Variants in GNAO1 observed in about 807,000 individuals in gnomAD.
The protein encoded by GNAO1 is guanine nucleotide-binding protein G(o) subunit alpha.
For missense variants in GNAO1, 166 were observed against 478.7 expected (o/e 0.35, Z 6.10); for synonymous variants, 164 against 180.7 (o/e 0.91, Z 0.74).
At chr16:56,346,316 G>A (rs1366592040) in intron 6 of GNAO1, 5 of 985,344 alleles carry the variant, frequency 5.1e-6, no homozygotes, top group Non-Finnish European at 6.0e-6. Context: ...AATGTTGCGA[G>A]TGACACGTGT....
chr16:56,265,928 G>C (rs905588742), intron 2 of GNAO1, among the ~76,000 whole-genome samples: 2 of 152,070 alleles, frequency 1.3e-5, no homozygotes, highest in Non-Finnish European at 2.9e-5. Context: ...AGCCCTGCTG[G>C]TTCCTCATCA....
At chr16:56,353,910 A>T (rs531373959) in intron 7 of GNAO1, among the ~76,000 whole-genome samples, 1 of 152,206 alleles carries the variant, frequency 6.6e-6, no homozygotes, top group Non-Finnish European at 1.5e-5. Context: ...CACCCAAGGA[A>T]TTGGTGGGGA....
intron 3 of GNAO1, among the ~76,000 whole-genome samples, chr16:56,304,421 T>G (rs1005413498): frequency 5.9e-5 from 9 of 152,268 alleles, no homozygotes; most frequent in African/African-American, 2.2e-4. Context: ...TGTTTCTTTA[T>G]TGTTCAAAAT....
intron 2 of GNAO1, among the ~76,000 whole-genome samples, chr16:56,241,381 G>A (rs77686602): frequency 6.6e-6 from 1 of 152,096 alleles, no homozygotes; most frequent in Non-Finnish European, 1.5e-5. Flanking sequence ...CAGTCACTGA[G>A]GAGGGGAAGT....
chr16:56,230,266 T>C (rs1177316734), intron 2 of GNAO1, among the ~76,000 whole-genome samples: 1 of 152,202 alleles, frequency 6.6e-6, no homozygotes, highest in Non-Finnish European at 1.5e-5. Flanking sequence ...GCCTGGTCTC[T>C]TCCATGCCCC....
At chr16:56,250,963 G>A (rs1366652231) in intron 2 of GNAO1, among the ~76,000 whole-genome samples, 2 of 152,130 alleles carry the variant, frequency 1.3e-5, no homozygotes, top group African/African-American at 4.8e-5. Flanking sequence ...GTGGCTCTTC[G>A]AACACTTGAT....
At chr16:56,286,757 GTCTC>G (rs1211906050) in intron 3 of GNAO1, among the ~76,000 whole-genome samples, 36 of 151,004 alleles carry the variant, frequency 2.4e-4, no homozygotes, top group African/African-American at 8.0e-4. Flanking sequence ...CTGTCTGTCT[GTCTC>G]TCTCTCTCAT....
At chr16:56,221,984 G>C (rs1303729737) in intron 2 of GNAO1, among the ~76,000 whole-genome samples, 1 of 152,188 alleles carries the variant, frequency 6.6e-6, no homozygotes, top group Non-Finnish European at 1.5e-5. Flanking sequence ...GATGGCAAGA[G>C]GCTAGGTGGG....
rs1241629656 is a variant in GNAO1, at chr16:56,351,026, GCA to G, written c.724-347_724-346del. ...ACACAGGCACACATAACAGGTGCAT[GCA>G]CACACACACAGGCACATGCACACAG... On this transcript the variant is annotated intron_variant, in intron 6 of 8. Coordinates refer to ENST00000262493, the MANE Select transcript of GNAO1 (RefSeq NM_020988.3). The surrounding 1 kb of genome is among the most constrained non-coding windows in gnomAD (Gnocchi z 6.1). Among the ~76,000 whole-genome samples, 3 of 151,854 alleles carry G rather than the reference GCA, an allele frequency of 2.0e-5. No individual in the cohort carries two copies. Among genetic ancestry groups the G allele is most frequent in the South Asian group, 4.2e-4 (2 of 4,794 alleles).
At chr16:56,246,215 A>G (rs756129505) in intron 2 of GNAO1, among the ~76,000 whole-genome samples, 1 of 152,196 alleles carries the variant, frequency 6.6e-6, no homozygotes, top group African/African-American at 2.4e-5. Context: ...GGGACAGCCC[A>G]AGCACCCAGA....
At chr16:56,295,760 T>C (rs1347633069) in intron 3 of GNAO1, among the ~76,000 whole-genome samples, 1 of 152,238 alleles carries the variant, frequency 6.6e-6, no homozygotes, top group Non-Finnish European at 1.5e-5. Context: ...GTGGTCTCCC[T>C]GCCTCTTCCT....
chr16:56,192,435 G>A, intron 1 of GNAO1, 82 bp downstream of exon 1: 1 of 496,958 alleles, frequency 2.0e-6, no homozygotes, highest in South Asian at 2.2e-5. Flanking sequence ...CCCCACTCGC[G>A]CCCGGGAGAC....
chr16:56,198,237 T>C (rs762411416), intron 2 of GNAO1, among the ~76,000 whole-genome samples: 1 of 152,222 alleles, frequency 6.6e-6, no homozygotes, highest in Non-Finnish European at 1.5e-5. Context: ...TTGCATCATC[T>C]TAAAAAGCTT....
chr16:56,338,021 G>A (rs1334671369), intron 6 of GNAO1, among the ~76,000 whole-genome samples: 2 of 152,212 alleles, frequency 1.3e-5, no homozygotes, highest in African/African-American at 4.8e-5. Context: ...GGCCTTGAGC[G>A]AGGCCTGTCC....
At chr16:56,250,323 C>G (rs1487820496) in intron 2 of GNAO1, among the ~76,000 whole-genome samples, 1 of 152,140 alleles carries the variant, frequency 6.6e-6, no homozygotes, top group Non-Finnish European at 1.5e-5. Context: ...TCTAGAAGGC[C>G]AACCATCTCA....
At chr16:56,209,781 G>A (rs1479856544) in intron 2 of GNAO1, among the ~76,000 whole-genome samples, 2 of 151,960 alleles carry the variant, frequency 1.3e-5, no homozygotes, top group African/African-American at 4.8e-5. Flanking sequence ...ATTGAGAAAG[G>A]GGTACAGAAA....
chr16:56,344,778 A>G, intron 6 of GNAO1: 1 of 985,418 alleles, frequency 1.0e-6, no homozygotes, highest in Non-Finnish European at 1.2e-6. Context: ...AGGAGCTCGG[A>G]TGGTCACTCT....
intron 2 of GNAO1, among the ~76,000 whole-genome samples, chr16:56,199,782 C>T (rs528580434): frequency 6.6e-6 from 1 of 152,246 alleles, no homozygotes; most frequent in South Asian, 2.1e-4. Context: ...GAGTATTTAC[C>T]ACCCACAGCT....
intron 2 of GNAO1, among the ~76,000 whole-genome samples, chr16:56,216,964 A>G (rs1361299817): frequency 6.6e-6 from 1 of 152,260 alleles, no homozygotes; most frequent in Non-Finnish European, 1.5e-5. Context: ...TAATCCAGAT[A>G]AAGCACTTGG....
Sources: allele counts gnomAD v4.1 joint callset (sites outside exome capture counted in the v4.1 genomes callset), GRCh38; gene constraint gnomAD v4.1.1; non-coding constraint Gnocchi (gnomAD v3.1); transcripts MANE v1.5; gene names NCBI Gene and HGNC (gene_info 2026-07-23, HGNC 2026-07-21).